Variants in NRP1 observed in about 807,000 individuals in gnomAD.
NRP1 encodes the protein neuropilin-1.
A neutral mutation model predicts 106.7 loss-of-function variants in NRP1; 35 were observed. The ratio of observed to expected loss-of-function variants is 0.33; its 90% confidence interval spans 0.25 to 0.43. NRP1 has a LOEUF of 0.43. NRP1 is among the 20% of genes least tolerant of loss of function. The probability of loss-of-function intolerance (pLI) is 1.00; values close to 1 mark genes in which losing one functional copy is unlikely to be tolerated. For synonymous variants in NRP1, 437 were observed against 417.9 expected, an observed-to-expected ratio of 1.05 and a Z score of -0.56; for missense variants, 1,024 against 1,170.4, an observed-to-expected ratio of 0.87 and a Z score of 1.83.
intron 2 of NRP1, among the ~76,000 whole-genome samples, chr10:33,278,931 C>T (rs1843909255): frequency 6.6e-6 from 1 of 151,394 alleles, no homozygotes; most frequent in Admixed American, 6.6e-5. Flanking sequence ...GTTTATAGTC[C>T]CAGGAAACAA....
At chr10:33,197,833 C>A (rs1289825036) in intron 11 of NRP1, 124 bp from the exon 12 acceptor site, 1 of 458,578 alleles carries the variant, frequency 2.2e-6, no homozygotes, top group African/African-American at 2.0e-5. Context: ...CTTTTAATTT[C>A]AATGATAGCA....
intron 13 of NRP1, among the ~76,000 whole-genome samples, chr10:33,191,930 C>G (rs1385697907): frequency 1.4e-5 from 2 of 140,946 alleles, no homozygotes; most frequent in Non-Finnish European, 3.0e-5. Context: ...GTGAGTGGAG[C>G]TAGTGCCACT....
At chr10:33,198,636 A>T (rs1836985829) in intron 11 of NRP1, among the ~76,000 whole-genome samples, 2 of 151,940 alleles carry the variant, frequency 1.3e-5, no homozygotes, top group Non-Finnish European at 2.9e-5. Flanking sequence ...ATTAAACTTG[A>T]CCTCAACCTC....
At chr10:33,189,505 T>C (rs968003424) in intron 13 of NRP1, among the ~76,000 whole-genome samples, 9 of 152,218 alleles carry the variant, frequency 5.9e-5, no homozygotes, top group Admixed American at 3.3e-4. Flanking sequence ...GACTGCGAGT[T>C]CCTCAAGCGT....
At position 33,267,550 on chromosome 10, in the gene NRP1, T is replaced by C. The variant is rs552607479; in HGVS notation, c.430+3125A>G. On this transcript the variant is annotated intron_variant, in intron 3 of 16. Coordinates refer to ENST00000374867, the MANE Select transcript of NRP1 (RefSeq NM_003873.7). ...CAAACTCTCAATCACATAACATATA[T>C]CAAGTGACCAAGTCTGCCCTCAGTA... 9.5e-4 allele frequency among the ~76,000 whole-genome samples: 144 copies of C among 152,188 alleles called. 1 individual carries two copies. The highest frequency in any genetic ancestry group is 3.5e-3 in the African/African-American group (144 of 41,532).
At chr10:33,191,177 A>G (rs893534415) in intron 13 of NRP1, among the ~76,000 whole-genome samples, 1 of 152,120 alleles carries the variant, frequency 6.6e-6, no homozygotes, top group African/African-American at 2.4e-5. Context: ...TTTATACTGT[A>G]CTTCAAGTTG....
chr10:33,261,102 C>T (rs966116299), intron 4 of NRP1, among the ~76,000 whole-genome samples: 1 of 149,272 alleles, frequency 6.7e-6, no homozygotes, highest in African/African-American at 2.5e-5. Context: ...AACAAATATA[C>T]AAACACATCT....
chr10:33,249,772 T>C (rs1182122548), intron 6 of NRP1, among the ~76,000 whole-genome samples: 1 of 152,170 alleles, frequency 6.6e-6, no homozygotes, highest in Admixed American at 6.5e-5. Flanking sequence ...AACCTTCACA[T>C]TGGGACTTCC....
chr10:33,287,807 A>G (rs367553836), intron 2 of NRP1, among the ~76,000 whole-genome samples: 66 of 152,310 alleles, frequency 4.3e-4, no homozygotes, highest in Middle Eastern at 3.4e-3. Flanking sequence ...TGACTAGGAT[A>G]TCAATCAATA....
intron 13 of NRP1, among the ~76,000 whole-genome samples, chr10:33,189,578 G>A (rs1836268919): frequency 6.6e-6 from 1 of 152,176 alleles, no homozygotes. Context: ...CTGTAACAGA[G>A]CTTCTCAAAT....
chr10:33,278,817 T>A (rs1489992883), intron 2 of NRP1, among the ~76,000 whole-genome samples: 1 of 152,192 alleles, frequency 6.6e-6, no homozygotes, highest in Non-Finnish European at 1.5e-5. Context: ...CCTTTAAGCT[T>A]TTGTAATGTC....
At chr10:33,249,054 T>A (rs1841636813) in intron 6 of NRP1, among the ~76,000 whole-genome samples, 2 of 150,824 alleles carry the variant, frequency 1.3e-5, no homozygotes, top group South Asian at 2.1e-4. Context: ...AACAACAAAG[T>A]TCATATCCCA....
At chr10:33,210,912 T>C (rs1838248876) in intron 9 of NRP1, among the ~76,000 whole-genome samples, 1 of 152,256 alleles carries the variant, frequency 6.6e-6, no homozygotes, top group African/African-American at 2.4e-5. Context: ...TTTACCCATT[T>C]CTTTTTTCGT....
chr10:33,210,168 C>T (rs1188980120), intron 9 of NRP1, among the ~76,000 whole-genome samples: 1 of 151,714 alleles, frequency 6.6e-6, no homozygotes, highest in Non-Finnish European at 1.5e-5. Context: ...CTAATATAGG[C>T]CTGCCTCTTC....
chr10:33,203,116 A>G (rs2132707842), intron 10 of NRP1, 121 bp from the exon 11 acceptor site: 2 of 917,194 alleles, frequency 2.2e-6, no homozygotes, highest in South Asian at 1.8e-5. Flanking sequence ...GACCAGGGGC[A>G]TGGTTTGCCT....
intron 2 of NRP1, among the ~76,000 whole-genome samples, chr10:33,311,622 G>A (rs1410629003): frequency 6.6e-6 from 1 of 152,158 alleles, no homozygotes; most frequent in African/African-American, 2.4e-5. Context: ...GAATGAATGT[G>A]GTAGTAAGCA....
At chr10:33,191,977 C>CAAAAAA (rs58214479) in intron 13 of NRP1, among the ~76,000 whole-genome samples, 1 of 71,708 alleles carries the variant, frequency 1.4e-5, no homozygotes, top group Non-Finnish European at 3.1e-5. Context: ...GACTCCATTT[C>CAAAAAA]AAAAAAAAAA....
intron 2 of NRP1, among the ~76,000 whole-genome samples, chr10:33,291,094 G>C (rs1393327918): frequency 6.6e-6 from 1 of 152,288 alleles, no homozygotes; most frequent in African/African-American, 2.4e-5. Flanking sequence ...TAGTCACGCC[G>C]TAGGTGTCCA....
At chr10:33,248,749 G>A (rs1363508676) in intron 6 of NRP1, among the ~76,000 whole-genome samples, 1 of 152,152 alleles carries the variant, frequency 6.6e-6, no homozygotes, top group East Asian at 1.9e-4. Flanking sequence ...TCAAGGGTTT[G>A]CTGATGTGGT....
Sources: allele counts gnomAD v4.1 joint callset (sites outside exome capture counted in the v4.1 genomes callset), GRCh38; gene constraint gnomAD v4.1.1; transcripts MANE v1.5; gene names NCBI Gene and HGNC (gene_info 2026-07-23, HGNC 2026-07-21).